The following CTBP2 variants were observed in gnomAD, a reference collection of about 807,000 sequenced individuals.
The protein encoded by CTBP2 is C-terminal-binding protein 2.
Under a neutral mutation model 80.3 loss-of-function variants are expected in CTBP2, and 30 were observed. That is an observed-to-expected ratio of 0.37 (90% CI 0.28 to 0.51). The LOEUF is 0.51. Ranked by LOEUF, CTBP2 falls within the 20% of genes least tolerant of loss-of-function variation. The pLI is 0.93. For missense variants in CTBP2, 1,212 were observed against 1,375.3 expected (o/e 0.88, Z 1.88); for synonymous variants, 594 against 587.4 (o/e 1.01, Z -0.16).
At chr10:125,004,010 G>A (rs1954908155) in intron 1 of CTBP2, among the ~76,000 whole-genome samples, 1 of 152,232 alleles carries the variant, frequency 6.6e-6, no homozygotes, top group Admixed American at 6.5e-5. Context: ...GAGGGCAGGA[G>A]GCCTCTAGGG....
At chr10:125,159,122 G>C (rs1215749583) in intron 1 of CTBP2, among the ~76,000 whole-genome samples, 1 of 150,614 alleles carries the variant, frequency 6.6e-6, no homozygotes, top group Non-Finnish European at 1.5e-5. Flanking sequence ...GAGAAAGAAA[G>C]GCGCTTCCCC....
intron 8 of CTBP2, among the ~76,000 whole-genome samples, chr10:124,990,421 C>T (rs1390496446): frequency 6.6e-6 from 1 of 152,210 alleles, no homozygotes; most frequent in Non-Finnish European, 1.5e-5. Context: ...ATATAAAACA[C>T]TGGCAACTAA....
chr10:125,016,386 T>C (rs1956489696), intron 1 of CTBP2, among the ~76,000 whole-genome samples: 1 of 152,220 alleles, frequency 6.6e-6, no homozygotes, highest in East Asian at 1.9e-4. Context: ...GGCTTGTCCC[T>C]TGGAATCAGA....
intron 2 of CTBP2, among the ~76,000 whole-genome samples, chr10:125,075,323 G>T (rs112166606): frequency 6.6e-6 from 1 of 152,120 alleles, no homozygotes; most frequent in African/African-American, 2.4e-5. Context: ...GAGGTGGGGC[G>T]TTAATGAGGT....
chr10:125,070,015 T>C (rs1845217997), intron 2 of CTBP2, among the ~76,000 whole-genome samples: 1 of 151,148 alleles, frequency 6.6e-6, no homozygotes, highest in African/African-American at 2.4e-5. Flanking sequence ...TCACTTGAGC[T>C]CAGCAGTTTT....
chr10:125,092,966 T>A (rs969292338), intron 2 of CTBP2, among the ~76,000 whole-genome samples: 3 of 151,986 alleles, frequency 2.0e-5, no homozygotes, highest in African/African-American at 7.2e-5. Flanking sequence ...ATGGCCCATC[T>A]CAGGACCCAA....
chr10:125,101,052 C>T (rs1850540920), intron 2 of CTBP2, among the ~76,000 whole-genome samples: 1 of 152,212 alleles, frequency 6.6e-6, no homozygotes. Context: ...AAAGATTACA[C>T]GATCCAGGGA....
chr10:125,159,132 C>G (rs1228348378), intron 1 of CTBP2, among the ~76,000 whole-genome samples: 2 of 150,994 alleles, frequency 1.3e-5, no homozygotes, highest in Admixed American at 6.6e-5. Flanking sequence ...GGCGCTTCCC[C>G]TCGGCCGCGC....
At chr10:124,991,586 G>A (rs764366430) in intron 8 of CTBP2, among the ~76,000 whole-genome samples, 6 of 152,116 alleles carry the variant, frequency 3.9e-5, no homozygotes, top group Admixed American at 6.5e-5. Flanking sequence ...CACCCTGGTC[G>A]TCACTGTGGC....
intron 1 of CTBP2, among the ~76,000 whole-genome samples, chr10:125,016,896 T>C (rs1199544072): frequency 6.6e-6 from 1 of 152,184 alleles, no homozygotes; most frequent in African/African-American, 2.4e-5. Context: ...AAGCATCTAA[T>C]AGGCAAATCC....
chr10:125,112,819 G>A (rs1852531647), intron 1 of CTBP2, among the ~76,000 whole-genome samples: 1 of 152,142 alleles, frequency 6.6e-6, no homozygotes, highest in African/African-American at 2.4e-5. Flanking sequence ...TTAGCAATGG[G>A]GCTAATCTCC....
intron 2 of CTBP2, among the ~76,000 whole-genome samples, chr10:125,104,948 G>A (rs909080473): frequency 1.3e-5 from 2 of 150,756 alleles, no homozygotes; most frequent in South Asian, 2.1e-4. Context: ...CACCAGGCCC[G>A]AGGACACGAG....
intron 2 of CTBP2, among the ~76,000 whole-genome samples, chr10:125,072,710 C>T (rs893246085): frequency 6.6e-6 from 1 of 151,656 alleles, no homozygotes; most frequent in African/African-American, 2.4e-5. Flanking sequence ...TGCTTGGGGC[C>T]CTCATGGTAG....
At chr10:125,056,426 C>T (rs1963951804) in intron 2 of CTBP2, among the ~76,000 whole-genome samples, 1 of 152,168 alleles carries the variant, frequency 6.6e-6, no homozygotes, top group African/African-American at 2.4e-5. Context: ...AGGTGAGTCC[C>T]CGAAACCTCA....
chr10:125,152,252 C>T (rs999357665), intron 1 of CTBP2, among the ~76,000 whole-genome samples: 2 of 152,192 alleles, frequency 1.3e-5, no homozygotes, highest in African/African-American at 2.4e-5. Flanking sequence ...ACCCCAGAAG[C>T]CCGGACGCCA....
chr10:124,993,708 C>G (rs187242466), intron 6 of CTBP2, 147 bp downstream of exon 8: 1 of 1,093,642 alleles, frequency 9.1e-7, no homozygotes, highest in Admixed American at 2.3e-5. Context: ...CAGCACAATC[C>G]TTAGAAGAAC....
chr10:125,011,743 G>C (rs1459089504), intron 1 of CTBP2, among the ~76,000 whole-genome samples: 2 of 152,258 alleles, frequency 1.3e-5, no homozygotes, highest in African/African-American at 4.8e-5. Context: ...GAGGAGCACA[G>C]CGGGCCCAGA....
chr10:125,092,809 C>T (rs372266172), intron 2 of CTBP2, among the ~76,000 whole-genome samples: 2 of 151,798 alleles, frequency 1.3e-5, no homozygotes, highest in Non-Finnish European at 1.5e-5. Context: ...TTAGGAGCAA[C>T]GACTTCTACA....
chr10:125,004,079 G>C (rs1253978155), intron 1 of CTBP2, among the ~76,000 whole-genome samples: 1 of 152,238 alleles, frequency 6.6e-6, no homozygotes, highest in Non-Finnish European at 1.5e-5. Context: ...AGACAGGCCA[G>C]AGCCATCATA....
Sources: gnomAD v4.1 joint callset for allele counts (sites outside exome capture counted in the v4.1 genomes callset) on GRCh38, gnomAD v4.1.1 for gene constraint, MANE v1.5 for transcripts, NCBI Gene and HGNC (gene_info 2026-07-23, HGNC 2026-07-21) for gene names.